Variants in KCNH5 observed in about 807,000 individuals in gnomAD.
KCNH5 encodes the protein potassium voltage-gated channel subfamily H member 5.
KCNH5 carries 46 observed loss-of-function variants against 96.1 expected under a neutral mutation model. The observed-to-expected ratio is 0.48, with a 90% CI of 0.38 to 0.61. The LOEUF is 0.61. Ranked by LOEUF, KCNH5 falls within the 20% of genes least tolerant of loss-of-function variation. The probability of loss-of-function intolerance (pLI) is 0.00; values close to 1 mark genes in which losing one functional copy is unlikely to be tolerated. For synonymous variants in KCNH5, 439 were observed against 449.8 expected, an observed-to-expected ratio of 0.98 and a Z score of 0.30; for missense variants, 907 against 1,225.8, an observed-to-expected ratio of 0.74 and a Z score of 3.88.
chr14:62,828,687 G>A (rs571358730), intron 8 of KCNH5, among the ~76,000 whole-genome samples: 1 of 152,162 alleles, frequency 6.6e-6, no homozygotes, highest in East Asian at 1.9e-4. Context: ...AACATGTGGG[G>A]ATTACAATTT....
intron 7 of KCNH5, among the ~76,000 whole-genome samples, chr14:62,876,952 A>G (rs1888386113): frequency 1.3e-5 from 2 of 152,208 alleles, no homozygotes. Context: ...AGGTAAAACT[A>G]AAGCTAGAAA....
At chr14:62,716,453 C>T (rs1022875893) in intron 10 of KCNH5, among the ~76,000 whole-genome samples, 5 of 152,138 alleles carry the variant, frequency 3.3e-5, no homozygotes, top group Admixed American at 2.6e-4. Flanking sequence ...CTTCTCTAAC[C>T]TCTGCTTCCT....
chr14:63,037,755 C>G (rs971235738), intron 1 of KCNH5, among the ~76,000 whole-genome samples: 6 of 152,164 alleles, frequency 3.9e-5, no homozygotes, highest in Admixed American at 1.3e-4. Flanking sequence ...ACTCATTTTC[C>G]TCTTCTGCTG....
chr14:62,798,779 T>A (rs1886589887), intron 9 of KCNH5, among the ~76,000 whole-genome samples: 2 of 152,230 alleles, frequency 1.3e-5, no homozygotes, highest in Admixed American at 1.3e-4. Flanking sequence ...CTTAGCACTT[T>A]TGACACACTA....
At chr14:62,932,806 G>C (rs1889606151) in intron 7 of KCNH5, among the ~76,000 whole-genome samples, 1 of 152,044 alleles carries the variant, frequency 6.6e-6, no homozygotes, top group Non-Finnish European at 1.5e-5. Flanking sequence ...AGTTCCATTA[G>C]AAGTTCAAAG....
intron 7 of KCNH5, among the ~76,000 whole-genome samples, chr14:62,916,659 CA>C (rs1889280718): frequency 6.6e-6 from 1 of 152,100 alleles, no homozygotes; most frequent in South Asian, 2.1e-4. Flanking sequence ...AGCCAGAAAA[CA>C]CTACTAATGA....
intron 4 of KCNH5, among the ~76,000 whole-genome samples, chr14:62,993,687 G>A (rs1395538932): frequency 6.6e-6 from 1 of 151,908 alleles, no homozygotes; most frequent in Non-Finnish European, 1.5e-5. Flanking sequence ...CCACCAACTT[G>A]TACTGTATAA....
intron 7 of KCNH5, among the ~76,000 whole-genome samples, chr14:62,879,606 G>A (rs992461744): frequency 2.6e-5 from 4 of 152,002 alleles, no homozygotes; most frequent in South Asian, 2.1e-4. Flanking sequence ...GGACCTTCCC[G>A]AATACTCTCC....
At chr14:62,825,463 T>C (rs989008066) in intron 8 of KCNH5, among the ~76,000 whole-genome samples, 3 of 151,938 alleles carry the variant, frequency 2.0e-5, no homozygotes, top group African/African-American at 7.2e-5. Flanking sequence ...TACATTAAAC[T>C]AACCGACACC....
intron 8 of KCNH5, among the ~76,000 whole-genome samples, chr14:62,823,862 G>A (rs1403969253): frequency 2.6e-5 from 4 of 151,326 alleles, no homozygotes; most frequent in South Asian, 4.2e-4. Context: ...TTCTTCAATC[G>A]TCCCCTAAAT....
chr14:62,783,022 C>T (rs1298198394), intron 9 of KCNH5, among the ~76,000 whole-genome samples: 3 of 151,586 alleles, frequency 2.0e-5, no homozygotes, highest in African/African-American at 7.3e-5. Context: ...TTTATAATTG[C>T]CAAAAATTAG....
chr14:62,752,812 C>T (rs576153318), intron 10 of KCNH5, among the ~76,000 whole-genome samples: 1 of 152,172 alleles, frequency 6.6e-6, no homozygotes, highest in African/African-American at 2.4e-5. Context: ...CTCTCTCCTG[C>T]CACCTTGTGA....
chr14:62,896,354 A>G (rs1888812335), intron 7 of KCNH5, among the ~76,000 whole-genome samples: 1 of 152,222 alleles, frequency 6.6e-6, no homozygotes, highest in Non-Finnish European at 1.5e-5. Context: ...GATAACTGAG[A>G]TGAAAATGCT....
At chr14:62,870,046 T>A (rs1175936963) in intron 7 of KCNH5, among the ~76,000 whole-genome samples, 2 of 152,250 alleles carry the variant, frequency 1.3e-5, no homozygotes, top group Non-Finnish European at 2.9e-5. Context: ...TCTATGTCCA[T>A]GGCTACTTCG....
At chr14:62,713,586 G>C (rs1884619336) in intron 10 of KCNH5, among the ~76,000 whole-genome samples, 1 of 152,154 alleles carries the variant, frequency 6.6e-6, no homozygotes, top group Non-Finnish European at 1.5e-5. Flanking sequence ...GAAATGGAAA[G>C]CTTCATTAAA....
At chr14:62,730,377 G>A (rs1439441140) in intron 10 of KCNH5, among the ~76,000 whole-genome samples, 2 of 152,182 alleles carry the variant, frequency 1.3e-5, no homozygotes, top group Non-Finnish European at 1.5e-5. Context: ...GCCTTAGAAA[G>A]TAGAGATTTC....
intron 10 of KCNH5, among the ~76,000 whole-genome samples, chr14:62,757,989 T>C (rs751514184): frequency 6.6e-6 from 1 of 151,808 alleles, no homozygotes; most frequent in Non-Finnish European, 1.5e-5. Context: ...CTACTAAAAA[T>C]ACAAAATTAG....
At chr14:62,876,322 C>G (rs1440543957) in intron 7 of KCNH5, among the ~76,000 whole-genome samples, 1 of 152,130 alleles carries the variant, frequency 6.6e-6, no homozygotes, top group East Asian at 1.9e-4. Context: ...TCACTCTCAC[C>G]ACTTCTATTA....
At chr14:62,721,279 C>T (rs1884807936) in intron 10 of KCNH5, among the ~76,000 whole-genome samples, 1 of 152,106 alleles carries the variant, frequency 6.6e-6, no homozygotes, top group Non-Finnish European at 1.5e-5. Context: ...CCAAAGTTTG[C>T]TTTTGGGCTA....
Sources: allele counts gnomAD v4.1 joint callset (sites outside exome capture counted in the v4.1 genomes callset), GRCh38; gene constraint gnomAD v4.1.1; transcripts MANE v1.5; gene names NCBI Gene and HGNC (gene_info 2026-07-23, HGNC 2026-07-21).